UBL7: variants seen among roughly 807,000 people sequenced by gnomAD.
The protein encoded by UBL7 is ubiquitin-like protein 7.
In UBL7, 21 loss-of-function variants were observed where a neutral mutation model predicts 41.7. The ratio of observed to expected loss-of-function variants is 0.50; its 90% CI spans 0.36 to 0.73. UBL7 has a LOEUF of 0.73. UBL7 is among the 30% of genes least tolerant of loss of function. The probability of loss-of-function intolerance (pLI) is 0.00; values close to 1 mark genes in which losing one functional copy is unlikely to be tolerated. For synonymous variants in UBL7, 157 were observed against 186.9 expected (o/e 0.84, Z 1.31); for missense variants, 403 against 478.4 (o/e 0.84, Z 1.47).
At chr15:74,450,092 C>A (rs1036504118) in intron 6 of UBL7, 23 bp from the exon 7 acceptor site, 1 of 1,599,506 alleles carries the variant, frequency 6.3e-7, no homozygotes, top group South Asian at 1.1e-5. Flanking sequence ...CAGGAAGAAA[C>A]CCAAGGGTGA....
At position 74,446,336 on chromosome 15, in the gene UBL7, A is replaced by AG; in HGVS notation, c.1006-110dup. On this transcript the variant is annotated intron_variant, in intron 10 of 10. Coordinates refer to ENST00000395081, the MANE Select transcript of UBL7 (RefSeq NM_032907.5). This position sits in a 1 kb window ranked among gnomAD's most constrained non-coding sequence, Gnocchi z 4.1. ...AGGAAGATGGGGGAGTCCTCAGCAAAGCTGCTGATGCTGAGTTCCACAGAA... is the reference window on the plus strand; with the variant it reads ...AGGAAGATGGGGGAGTCCTCAGCAAAGGCTGCTGATGCTGAGTTCCACAGAA... 1 of 1,394,570 alleles carries AG rather than the reference A, an allele frequency of 7.2e-7. No homozygotes were observed. 86.4% of individuals were successfully genotyped at this position (1,394,570 alleles called of 1,614,324 possible).
intron 6 of UBL7, among the ~76,000 whole-genome samples, chr15:74,450,444 C>T (rs1224712878): frequency 6.6e-6 from 1 of 152,204 alleles, no homozygotes; most frequent in African/African-American, 2.4e-5. Context: ...GGGCTGTTTT[C>T]TTCACTTGCA....
chr15:74,446,641 C>T lies in UBL7; in HGVS notation c.1006-414G>A, dbSNP rs906318777. Among the ~76,000 whole-genome samples, 1 of 152,132 alleles carries T rather than the reference C, an allele frequency of 6.6e-6. No homozygotes were observed. The highest frequency in any genetic ancestry group is 1.5e-5 in the Non-Finnish European group (1 of 68,014). On this transcript the variant is annotated intron_variant, in intron 10 of 10. Coordinates refer to ENST00000395081, the MANE Select transcript of UBL7 (RefSeq NM_032907.5). This position sits in a 1 kb window ranked among gnomAD's most constrained non-coding sequence, Gnocchi z 4.1. ...CGGTTTTTTGTTTGGTTTGGTTTGC[C>T]ACGCAGAAATTTTCACCTTTTTTTA... is the stretch of plus-strand genomic sequence containing the variant.
At chr15:74,458,384 G>A (rs1046708728) in intron 2 of UBL7, among the ~76,000 whole-genome samples, 1 of 152,046 alleles carries the variant, frequency 6.6e-6, no homozygotes, top group African/African-American at 2.4e-5. Flanking sequence ...GCAGTGAGCC[G>A]AGATCGCACC....
chr15:74,455,329 G>A (rs79175150), intron 3 of UBL7, among the ~76,000 whole-genome samples: 3,603 of 152,232 alleles, frequency 0.024, 143 homozygotes, highest in African/African-American at 0.082. Flanking sequence ...AAACACACAT[G>A]CAAAATTTAA....
chr15:74,451,487 C>T lies in UBL7; in HGVS notation c.421G>A (p.Asp141Asn). 1 of 1,614,118 alleles carries T rather than the reference C, an allele frequency of 6.2e-7. No individual in the cohort carries two copies. The highest frequency in any genetic ancestry group is 8.5e-7 in the Non-Finnish European group (1 of 1,180,022). The change falls in exon 5 of 11, where the codon GAT (aspartate) becomes AAT (asparagine). Residue 141 changes from aspartate to asparagine, a missense_variant. Asp to Asn is a conservative substitution (Grantham distance 23). Transcript: ENST00000395081. ...FKMLSNKESLDQIIVATPGLS... is the reference protein window; with the variant it reads ...FKMLSNKESLNQIIVATPGLS... ...CCTGGGGTGGCCACAATGATCTGAT[C>T]CAGAGACTCCTTATTGCTGAGCATC... is the stretch of plus-strand genomic sequence containing the variant.
intron 1 of UBL7, chr15:74,460,795 A>G (rs934484753): frequency 3.2e-6 from 4 of 1,262,402 alleles, no homozygotes; most frequent in Non-Finnish European, 3.1e-6. Context: ...GAGAAGAGGA[A>G]AGAAAAGGCT....
At chr15:74,447,150 G>A (rs994232643) in intron 10 of UBL7, among the ~76,000 whole-genome samples, 5 of 152,212 alleles carry the variant, frequency 3.3e-5, no homozygotes, top group East Asian at 3.8e-4. Flanking sequence ...AGTTGTTCAC[G>A]AATCCTGCTT....
chr15:74,458,758 C>A lies in UBL7; in HGVS notation c.110G>T (p.Gly37Val), dbSNP rs751821573. 6.2e-7 allele frequency: 1 copy of A among 1,613,884 alleles called. No individual in the cohort carries two copies. The highest frequency in any genetic ancestry group is 1.3e-5 in the African/African-American group (1 of 74,926). Residue 37 changes from glycine to valine, a missense_variant, in exon 2 of 11, where the codon GGC becomes GTC. Physicochemically the swap from Gly to Val is moderately radical, Grantham distance 109. Transcript: ENST00000395081. ...ETELGEYSLGGYSISFLKQLI... is the reference protein window; with the variant it reads ...ETELGEYSLGVYSISFLKQLI... ...CTGCTTCAGAAATGAAATACTATAG[C>A]CCCCTAGCGAGTATTCTCCCAGTTC...
chr15:74,446,337 G>T lies in UBL7; in HGVS notation c.1006-110C>A. On this transcript the variant is annotated intron_variant, in intron 10 of 10. Transcript: ENST00000395081. This position sits in a 1 kb window ranked among gnomAD's most constrained non-coding sequence, Gnocchi z 4.1. The stretch of plus-strand genomic sequence containing the variant: ...GGAAGATGGGGGAGTCCTCAGCAAA[G>T]CTGCTGATGCTGAGTTCCACAGAAC... 7.4e-7 allele frequency: 1 copy of T among 1,360,510 alleles called. No homozygotes were observed. Among genetic ancestry groups the T allele is most frequent in the Non-Finnish European group, 1.0e-6 (1 of 994,498 alleles). The allele number at this position is 1,360,510 out of a possible 1,614,324, so 84.3% of individuals were successfully genotyped here.
rs139394877 is a variant in UBL7, at chr15:74,457,554, A to AAT, written c.185-885_185-884dup. On this transcript the variant is annotated intron_variant, in intron 2 of 10. Coordinates refer to ENST00000395081, the MANE Select transcript of UBL7 (RefSeq NM_032907.5). ...CAAGACTCTGTCTCAAAAAAAAAGAAATATATATATATATACACACATACA... is the reference window on the plus strand; with the variant it reads ...CAAGACTCTGTCTCAAAAAAAAAGAAATATATATATATATATACACACATACA... 5.4e-3 allele frequency among the ~76,000 whole-genome samples: 796 copies of AAT among 147,268 alleles called. 6 individuals are homozygous for AAT. The highest frequency in any genetic ancestry group is 0.017 in the Middle Eastern group (5 of 286).
intron 9 of UBL7, among the ~76,000 whole-genome samples, chr15:74,448,945 G>A (rs1037481322): frequency 3.9e-5 from 6 of 152,128 alleles, no homozygotes; most frequent in Admixed American, 3.9e-4. Flanking sequence ...TTGTGTGCAG[G>A]AAGAGTCTTC....
In UBL7 at chr15:74,450,032, C is replaced by T; in HGVS notation, c.568G>A (p.Val190Ile). The change falls in exon 7 of 11, where the codon GTC becomes ATC. Residue 190 changes from valine (V) to isoleucine (I), a missense_variant. Physicochemically the swap from Val to Ile is conservative, Grantham distance 29. Transcript: ENST00000395081. Reference sequence around the variant, plus strand: ...CCTGCTACGGAGTGCAGAACCAGGACAATGGCATTGACGAGGGCTGGGTGA... The same window carrying T: ...CCTGCTACGGAGTGCAGAACCAGGATAATGGCATTGACGAGGGCTGGGTGA... ...PAHPALVNAI[V>I]LVLHSVAGSA... 1 of 1,613,768 alleles carries T rather than the reference C, an allele frequency of 6.2e-7. No individual in the cohort carries two copies. Among genetic ancestry groups the T allele is most frequent in the Non-Finnish European group, 8.5e-7 (1 of 1,179,884 alleles).
At chr15:74,448,722 G>C (rs879144927) in intron 9 of UBL7, 122 bp from the exon 10 acceptor site, 3 of 1,376,118 alleles carry the variant, frequency 2.2e-6, no homozygotes, top group South Asian at 1.3e-5. Flanking sequence ...TCCCAACAAA[G>C]ACCTGCCATA....
At chr15:74,449,044 C>T in intron 9 of UBL7, 142 bp downstream of exon 9, 1 of 1,011,284 alleles carries the variant, frequency 9.9e-7, no homozygotes. Context: ...ACTCAAGCTG[C>T]AGTAAGAAAT....
chr15:74,456,150 T>C (rs1378515177), intron 3 of UBL7, among the ~76,000 whole-genome samples: 1 of 125,498 alleles, frequency 8.0e-6, no homozygotes, highest in Non-Finnish European at 1.6e-5. Flanking sequence ...AAAAAAAAAT[T>C]AGCTGGGCAT....
rs1176862976 is a variant in UBL7, at chr15:74,446,147, G to A, written c.1086C>T (p.Ala362=). ...GGGCTGCTTGGATGTCCCCACCGGT[G>A]GCCTGCAGGGCCCGCAGGCTCAGCT... ...DDELSLRALQ[A]TGGDIQAALE... is the part of the protein sequence containing the mutation. The change falls in exon 11 of 11, where the codon GCC becomes GCT. Residue 362 remains alanine, a synonymous_variant. Transcript: ENST00000395081. The surrounding 1 kb of genome is among the most constrained non-coding windows in gnomAD (Gnocchi z 4.1). The A allele has an allele frequency of 6.2e-7, 1 of 1,614,052 alleles. No individual in the cohort carries two copies. Among genetic ancestry groups the A allele is most frequent in the South Asian group, 1.1e-5 (1 of 91,084 alleles).
rs1456748662 is a variant in UBL7 at position 74,455,414 on chromosome 15, ATTTAAATACTC to A, written c.304+1127_304+1137del. Among the ~76,000 whole-genome samples, 3 of 152,196 alleles carry A rather than the reference ATTTAAATACTC, an allele frequency of 2.0e-5. No homozygotes were observed. The East Asian group carries it at 5.8e-4, about 29-fold the overall frequency. On this transcript the variant is annotated intron_variant, in intron 3 of 10. Coordinates refer to ENST00000395081, the MANE Select transcript of UBL7 (RefSeq NM_032907.5). ...GCTTTGTATATTTTCTCCAAGAGCT[ATTTAAATACTC>A]TTTGAATATCTTCAGGAAAATACCA...
intron 9 of UBL7, 38 bp from the exon 10 acceptor site, chr15:74,448,638 C>T (rs1229899279): frequency 5.6e-6 from 9 of 1,611,008 alleles, no homozygotes; most frequent in Non-Finnish European, 7.6e-6. Context: ...CCCTCAGCGC[C>T]ATCTCAATCT....
Sources: allele counts gnomAD v4.1 joint callset (sites outside exome capture counted in the v4.1 genomes callset), GRCh38; gene constraint gnomAD v4.1.1; non-coding constraint Gnocchi (gnomAD v3.1); transcripts MANE v1.5; gene names NCBI Gene and HGNC (gene_info 2026-07-23, HGNC 2026-07-21).